The following EYS variants were observed in gnomAD, a reference collection of about 807,000 sequenced individuals.
EYS encodes the protein EGF-like photoreceptor maintenance factor, also known as protein eyes shut homolog.
EYS carries 250 observed loss-of-function variants against 282.1 expected under a neutral mutation model. The ratio of observed to expected loss-of-function variants is 0.89; its 90% CI spans 0.80 to 0.98. The LOEUF (loss-of-function observed/expected upper bound fraction) is 0.98, where lower values mean the gene tolerates loss of function less well. Ranked by LOEUF, EYS falls within the 50% of genes least tolerant of loss-of-function variation. The pLI, the probability that EYS is intolerant of heterozygous loss-of-function variation, is 0.00. For missense variants in EYS, 4,016 were observed against 3,709.0 expected, an observed-to-expected ratio of 1.08 and a Z score of -2.15; for synonymous variants, 1,355 against 1,282.9, an observed-to-expected ratio of 1.06 and a Z score of -1.20.
chr6:63,862,568 CA>C (rs1408827089), intron 36 of EYS, among the ~76,000 whole-genome samples: 2 of 152,138 alleles, frequency 1.3e-5, no homozygotes, highest in Admixed American at 1.3e-4. Flanking sequence ...TGTGAATACA[CA>C]AAGACATTCT....
chr6:64,318,188 C>A (rs377495149), intron 29 of EYS, among the ~76,000 whole-genome samples: 33 of 151,942 alleles, frequency 2.2e-4, no homozygotes, highest in East Asian at 1.4e-3. Context: ...AAAAAACACC[C>A]AGAATTCTCC....
chr6:64,524,216 T>A (rs1304845798), intron 26 of EYS, among the ~76,000 whole-genome samples: 1 of 151,886 alleles, frequency 6.6e-6, no homozygotes, highest in African/African-American at 2.4e-5. Flanking sequence ...ATATATTTTT[T>A]TGCCATGATG....
chr6:64,196,796 A>G (rs1342836409), intron 31 of EYS, among the ~76,000 whole-genome samples: 1 of 151,452 alleles, frequency 6.6e-6, no homozygotes, highest in African/African-American at 2.4e-5. Context: ...CTAATGCTAA[A>G]TGATGAGTTA....
intron 36 of EYS, among the ~76,000 whole-genome samples, chr6:63,829,027 A>G (rs1329300279): frequency 6.6e-6 from 1 of 152,250 alleles, no homozygotes. Context: ...ATACTTGCAC[A>G]TGCATGTTTA....
intron 26 of EYS, among the ~76,000 whole-genome samples, chr6:64,566,958 A>G (rs1177959839): frequency 6.6e-6 from 1 of 152,114 alleles, no homozygotes; most frequent in Non-Finnish European, 1.5e-5. Flanking sequence ...AGTTTTTAAT[A>G]GAGACAGGGT....
intron 26 of EYS, among the ~76,000 whole-genome samples, chr6:64,553,102 C>A (rs1045236796): frequency 6.6e-6 from 1 of 152,012 alleles, no homozygotes; most frequent in Non-Finnish European, 1.5e-5. Flanking sequence ...AGCTGTAGCC[C>A]AACCACCTTG....
chr6:65,000,029 A>T (rs557394190), intron 13 of EYS, among the ~76,000 whole-genome samples: 3 of 152,316 alleles, frequency 2.0e-5, no homozygotes, highest in African/African-American at 7.2e-5. Flanking sequence ...GGTCTAATTG[A>T]GCTGGTTAAC....
At chr6:64,061,141 G>T (rs1771152204) in intron 33 of EYS, among the ~76,000 whole-genome samples, 1 of 152,074 alleles carries the variant, frequency 6.6e-6, no homozygotes, top group South Asian at 2.1e-4. Context: ...TAAGGAAGGG[G>T]GAATAGGCTA....
At chr6:65,135,129 T>C (rs1333149749) in intron 12 of EYS, among the ~76,000 whole-genome samples, 1 of 152,056 alleles carries the variant, frequency 6.6e-6, no homozygotes, top group Non-Finnish European at 1.5e-5. Flanking sequence ...TTTTGGAAAA[T>C]TGATTTGATT....
chr6:65,430,858 C>A (rs1024569787), intron 5 of EYS, among the ~76,000 whole-genome samples: 1 of 152,092 alleles, frequency 6.6e-6, no homozygotes, highest in Non-Finnish European at 1.5e-5. Context: ...AGAGCCCTTG[C>A]GTCCTGAAAA....
At chr6:63,892,118 C>T (rs1012085004) in intron 35 of EYS, among the ~76,000 whole-genome samples, 2 of 152,024 alleles carry the variant, frequency 1.3e-5, no homozygotes, top group African/African-American at 2.4e-5. Flanking sequence ...TGCTCATGCA[C>T]GGGAATAATC....
At position 65,314,090 on chromosome 6, in the gene EYS, G is replaced by C. The variant is rs533106514; in HGVS notation, c.1767-17971C>G. On this transcript the variant is annotated intron_variant, in intron 11 of 42. Coordinates refer to ENST00000503581, the MANE Select transcript of EYS (RefSeq NM_001142800.2). ...ATTGGCTGTTCCATCTGCCTGGATT[G>C]CTCTTCCTTCAGGTGTGTCTATCTG... Among the ~76,000 whole-genome samples, 4 of 151,418 alleles carry C rather than the reference G, an allele frequency of 2.6e-5. No individual in the cohort carries two copies. In the South Asian group the frequency reaches 8.4e-4, roughly 32 times the overall value.
At chr6:65,697,593 T>A (rs949527594) in intron 1 of EYS, among the ~76,000 whole-genome samples, 3 of 152,058 alleles carry the variant, frequency 2.0e-5, no homozygotes, top group Admixed American at 6.5e-5. Flanking sequence ...TTCTTTTCAA[T>A]CAAGCTTAAA....
intron 22 of EYS, among the ~76,000 whole-genome samples, chr6:64,690,633 TG>T (rs1397576072): frequency 6.6e-6 from 1 of 152,130 alleles, no homozygotes; most frequent in Non-Finnish European, 1.5e-5. Flanking sequence ...ATATACAACA[TG>T]GAATACTATG....
chr6:65,039,153 G>C (rs2150148172), intron 13 of EYS, among the ~76,000 whole-genome samples: 1 of 151,516 alleles, frequency 6.6e-6, no homozygotes, highest in South Asian at 2.1e-4. Context: ...GTTTTACATA[G>C]AGAATGATGA....
intron 41 of EYS, among the ~76,000 whole-genome samples, chr6:63,738,739 A>G (rs1441226764): frequency 6.6e-6 from 1 of 152,170 alleles, no homozygotes; most frequent in African/African-American, 2.4e-5. Flanking sequence ...AAGTATAATT[A>G]TAAAAAAAAT....
chr6:64,721,281 G>A (rs1771569980), intron 22 of EYS, among the ~76,000 whole-genome samples: 1 of 152,120 alleles, frequency 6.6e-6, no homozygotes, highest in African/African-American at 2.4e-5. Flanking sequence ...AAAAAAGGCA[G>A]GAAAGTGGGG....
At chr6:64,928,152 G>A (rs1193683216) in intron 15 of EYS, among the ~76,000 whole-genome samples, 1 of 151,968 alleles carries the variant, frequency 6.6e-6, no homozygotes, top group African/African-American at 2.4e-5. Flanking sequence ...CTTATGAAAA[G>A]TCTATTTCTC....
At chr6:64,522,254 G>A (rs1364376216) in intron 26 of EYS, among the ~76,000 whole-genome samples, 2 of 151,722 alleles carry the variant, frequency 1.3e-5, no homozygotes, top group South Asian at 2.1e-4. Flanking sequence ...TTCATTTTAT[G>A]TATTTTTTAG....
Sources: gnomAD v4.1 joint callset for allele counts (sites outside exome capture counted in the v4.1 genomes callset) on GRCh38, gnomAD v4.1.1 for gene constraint, MANE v1.5 for transcripts, NCBI Gene and HGNC (gene_info 2026-07-23, HGNC 2026-07-21) for gene names.